Variants in PAK3 observed in about 807,000 individuals in gnomAD.
The protein encoded by PAK3 is p21 (RAC1) activated kinase 3, also known as serine/threonine-protein kinase PAK 3.
PAK3 carries 4 observed loss-of-function variants against 41.0 expected under a neutral mutation model. The ratio of observed to expected loss-of-function variants is 0.10; its 90% CI spans 0.05 to 0.22. PAK3 has a LOEUF of 0.22. Ranked by LOEUF, PAK3 falls within the 10% of genes least tolerant of loss-of-function variation. The pLI is 1.00. For missense variants in PAK3, 205 were observed against 409.9 expected, an observed-to-expected ratio of 0.50 and a Z score of 4.32; for synonymous variants, 146 against 139.6, an observed-to-expected ratio of 1.05 and a Z score of -0.32.
At position 111,076,946 on chromosome X, in the gene PAK3, A is replaced by G. The variant is rs187658133; in HGVS notation, c.-27-46131A>G. 2.7e-3 allele frequency among the ~76,000 whole-genome samples: 305 copies of G among 111,414 alleles called. 1 individual carries two copies. The highest frequency in any genetic ancestry group is 5.0e-3 in the Non-Finnish European group (267 of 53,077). On this transcript the variant is annotated intron_variant, in intron 1 of 14. Coordinates refer to the PAK3 transcript ENST00000425146. ...AATCCCAGAAACTCCACCAAAAAAA[A>G]CTCTTGGAAATTATAAATTCAGTAA... is the stretch of plus-strand genomic sequence containing the variant.
intron 16 of PAK3, among the ~76,000 whole-genome samples, chrX:111,200,216 A>G (rs1457536724): frequency 9.0e-6 from 1 of 111,539 alleles, no homozygotes; most frequent in East Asian, 2.8e-4. Context: ...AACCAAATAT[A>G]TGTGGCTTTC....
chrX:111,124,136 G>C (rs1007403743), intron 5 of PAK3, among the ~76,000 whole-genome samples: 1 of 111,777 alleles, frequency 8.9e-6, no homozygotes, highest in East Asian at 2.8e-4. Context: ...CACTTATATA[G>C]TGTTAATCAA....
chrX:110,982,512 G>T lies in PAK3; in HGVS notation c.-28+37884G>T, dbSNP rs558512753. Among the ~76,000 whole-genome samples the T allele has an allele frequency of 5.4e-5, 6 of 112,099 alleles. No individual in the cohort carries two copies. The South Asian group carries it at 2.2e-3, about 42-fold the overall frequency. Reference sequence around the variant, plus strand: ...CATAGGTTGCGCTGAAGAAATTGGGGTTATGATTGTTACTGTTGTTTCCTT... The same window carrying T: ...CATAGGTTGCGCTGAAGAAATTGGGTTTATGATTGTTACTGTTGTTTCCTT... On this transcript the variant is annotated intron_variant, in intron 1 of 14. Coordinates refer to the PAK3 transcript ENST00000425146.
At chrX:111,216,763 C>T (rs1411287679) in intron 17 of PAK3, 1 of 184,700 alleles carries the variant, frequency 5.4e-6, no homozygotes, top group Admixed American at 9.6e-5. Flanking sequence ...GCAGTGTAAT[C>T]TGTAAATCTC....
At chrX:111,196,318 A>G (rs1262640221) in intron 15 of PAK3, 126 bp from the exon 16 acceptor site, 2 of 544,834 alleles carry the variant, frequency 3.7e-6, no homozygotes, top group Non-Finnish European at 6.3e-6. Flanking sequence ...GTTAACAAAA[A>G]GGTATGAGCT....
At chrX:111,102,063 A>G (rs1361457283) in intron 3 of PAK3, among the ~76,000 whole-genome samples, 1 of 112,016 alleles carries the variant, frequency 8.9e-6, no homozygotes, top group African/African-American at 3.3e-5. Context: ...AGCCTGAATC[A>G]TGCCTCCTTG....
intron 16 of PAK3, among the ~76,000 whole-genome samples, chrX:111,210,363 G>C (rs1453709552): frequency 9.0e-6 from 1 of 110,837 alleles, no homozygotes; most frequent in Non-Finnish European, 1.9e-5. Context: ...CCATGTTTTA[G>C]TCATCTTTTT....
intron 1 of PAK3, among the ~76,000 whole-genome samples, chrX:111,084,350 A>G (rs915946820): frequency 4.4e-5 from 5 of 112,788 alleles, no homozygotes; most frequent in African/African-American, 6.4e-5. Context: ...TGTGTTATAT[A>G]TTCAACAGAT....
chrX:111,209,365 A>G (rs2094793805), intron 16 of PAK3, among the ~76,000 whole-genome samples: 1 of 112,249 alleles, frequency 8.9e-6, no homozygotes, highest in Admixed American at 9.4e-5. Context: ...AGTCTAAAAT[A>G]AATTTCAAGG....
chrX:111,001,878 G>C (rs916577429), intron 1 of PAK3, among the ~76,000 whole-genome samples: 4 of 110,124 alleles, frequency 3.6e-5, no homozygotes, highest in Admixed American at 2.9e-4. Flanking sequence ...GGGAGGCTTG[G>C]TGACAGCAAT....
At chrX:111,045,876 G>A (rs985244229) in intron 1 of PAK3, among the ~76,000 whole-genome samples, 3 of 111,480 alleles carry the variant, frequency 2.7e-5, no homozygotes, top group Non-Finnish European at 3.8e-5. Flanking sequence ...GTTGGTCTGG[G>A]GCTCCATTGG....
intron 9 of PAK3, 26 bp downstream of exon 9, chrX:111,163,072 A>G (rs1389110949): frequency 5.9e-6 from 7 of 1,183,836 alleles, no homozygotes; most frequent in South Asian, 3.6e-5. Flanking sequence ...CTATTTCCAA[A>G]TGATTCAAAA....
At chrX:110,988,499 G>GTA (rs994396297) in intron 1 of PAK3, among the ~76,000 whole-genome samples, 4 of 111,929 alleles carry the variant, frequency 3.6e-5, no homozygotes, top group East Asian at 5.6e-4. Context: ...GTGTGTATGT[G>GTA]TATATATATA....
At chrX:111,166,065 T>C (rs2094251306) in intron 10 of PAK3, among the ~76,000 whole-genome samples, 1 of 110,426 alleles carries the variant, frequency 9.1e-6, no homozygotes, top group Admixed American at 9.7e-5. Context: ...CAACCTTACA[T>C]TGGATTTGTA....
chrX:111,129,756 A>G (rs1333645678), intron 5 of PAK3, among the ~76,000 whole-genome samples: 1 of 111,579 alleles, frequency 9.0e-6, no homozygotes, highest in Admixed American at 9.6e-5. Context: ...ACTGAGAGGA[A>G]GTAATGACTG....
At chrX:111,132,106 CACTA>C (rs1470600675) in intron 5 of PAK3, among the ~76,000 whole-genome samples, 31 of 110,899 alleles carry the variant, frequency 2.8e-4, no homozygotes, top group African/African-American at 9.8e-4. Context: ...TTGTTTGGGG[CACTA>C]ACTGACAGCC....
chrX:111,030,216 T>G (rs906291883), intron 1 of PAK3, among the ~76,000 whole-genome samples: 20 of 110,326 alleles, frequency 1.8e-4, no homozygotes, highest in South Asian at 3.9e-4. Flanking sequence ...ATCTTTTTGG[T>G]TTTTTTTTAA....
At chrX:111,141,342 A>T (rs183764406) in intron 5 of PAK3, among the ~76,000 whole-genome samples, 8,579 of 111,553 alleles carry the variant, frequency 0.077, 834 homozygotes, top group African/African-American at 0.27. Context: ...AAAGACAATG[A>T]TTTTTGAATG....
At chrX:111,007,727 T>G (rs779117424) in intron 1 of PAK3, among the ~76,000 whole-genome samples, 2 of 111,672 alleles carry the variant, frequency 1.8e-5, no homozygotes, top group Non-Finnish European at 3.8e-5. Context: ...CCTCTGCCTG[T>G]GTGTTGTGAT....
Sources: gnomAD v4.1 joint callset for allele counts (sites outside exome capture counted in the v4.1 genomes callset) on GRCh38, gnomAD v4.1.1 for gene constraint, MANE v1.5 for transcripts, NCBI Gene and HGNC (gene_info 2026-07-23, HGNC 2026-07-21) for gene names.